The following ELK3 variants were observed in gnomAD, a reference collection of about 807,000 sequenced individuals.
ELK3 encodes the protein ETS domain-containing protein Elk-3.
Under a neutral mutation model 28.9 loss-of-function variants are expected in ELK3, and 10 were observed. That is an observed-to-expected ratio of 0.35 (90% CI 0.21 to 0.59). ELK3 has a LOEUF of 0.59. ELK3 is among the 20% of genes least tolerant of loss of function. The pLI, the probability that ELK3 is intolerant of heterozygous loss-of-function variation, is 0.82. For synonymous variants in ELK3, 272 were observed against 243.5 expected (o/e 1.12, Z -1.09); for missense variants, 463 against 517.3 (o/e 0.90, Z 1.02).
intron 1 of ELK3, among the ~76,000 whole-genome samples, chr12:96,216,200 A>G (rs527436077): frequency 1.6e-4 from 24 of 152,208 alleles, no homozygotes; most frequent in Admixed American, 1.3e-3. Context: ...TTTCTTCGCT[A>G]TCTGACCCAA....
Position 96,267,598 on chromosome 12 carries a change from T to C in ELK3, c.*418T>C. 1 of 153,348 alleles carries C rather than the reference T, an allele frequency of 6.5e-6. No individual in the cohort carries two copies. Among genetic ancestry groups the C allele is most frequent in the Non-Finnish European group, 1.5e-5 (1 of 68,388 alleles). The allele number at this position is 153,348 out of a possible 1,614,324, so 9.5% of individuals were successfully genotyped here. A position where few individuals can be genotyped will look rare whatever the true frequency, so the allele number is the denominator to read the frequency against. On this transcript the variant is annotated 3_prime_UTR_variant, in exon 5 of 5. Coordinates refer to ENST00000228741, the MANE Select transcript of ELK3 (RefSeq NM_005230.4). ...GCATTTAATGTAAATGAATGATTTA[T>C]ATATTTTTTAGTATTAAGAGGAAAT...
chr12:96,266,907 A>C (rs2056616636), intron 4 of ELK3, among the ~76,000 whole-genome samples, 175 bp from the exon 5 acceptor site: 1 of 152,174 alleles, frequency 6.6e-6, no homozygotes, highest in African/African-American at 2.4e-5. Flanking sequence ...GCTCTATGTA[A>C]ATCTTGATCT....
chr12:96,202,315 T>C (rs971724554), intron 1 of ELK3, among the ~76,000 whole-genome samples: 3 of 152,202 alleles, frequency 2.0e-5, no homozygotes, highest in Non-Finnish European at 1.5e-5. Flanking sequence ...TAAGGTGTCC[T>C]CTGCCCTCTG....
intron 2 of ELK3, among the ~76,000 whole-genome samples, chr12:96,235,974 T>C (rs1453273738): frequency 6.6e-6 from 1 of 152,076 alleles, no homozygotes; most frequent in Admixed American, 6.5e-5. Context: ...ACTATAGGTG[T>C]GCCACCATAC....
At chr12:96,201,034 G>T (rs1053941512) in intron 1 of ELK3, among the ~76,000 whole-genome samples, 2 of 151,878 alleles carry the variant, frequency 1.3e-5, no homozygotes, top group Non-Finnish European at 2.9e-5. Flanking sequence ...ATTCTGTTAC[G>T]GCAATTTCAT....
chr12:96,196,257 G>A (rs1291062167), intron 1 of ELK3, among the ~76,000 whole-genome samples: 1 of 152,154 alleles, frequency 6.6e-6, no homozygotes, highest in African/African-American at 2.4e-5. Flanking sequence ...GCCGCCCAAC[G>A]AGCCTTTTCA....
intron 2 of ELK3, among the ~76,000 whole-genome samples, chr12:96,241,650 G>C (rs182243916): frequency 6.6e-6 from 1 of 152,340 alleles, no homozygotes; most frequent in East Asian, 1.9e-4. Context: ...GCTGTCATGG[G>C]ATGCCTTGGT....
At chr12:96,199,492 G>GTGTC (rs1354623558) in intron 1 of ELK3, among the ~76,000 whole-genome samples, 14 of 151,638 alleles carry the variant, frequency 9.2e-5, no homozygotes, top group African/African-American at 3.4e-4. Context: ...GTGTGTGTGT[G>GTGTC]TGTGTGTGTG....
At chr12:96,206,154 G>GT (rs1009386274) in intron 1 of ELK3, among the ~76,000 whole-genome samples, 4 of 151,690 alleles carry the variant, frequency 2.6e-5, no homozygotes, top group South Asian at 2.1e-4. Context: ...TCCTTTGTGT[G>GT]TTTTTTTTAA....
At chr12:96,214,169 G>A (rs1486937169) in intron 1 of ELK3, among the ~76,000 whole-genome samples, 1 of 152,110 alleles carries the variant, frequency 6.6e-6, no homozygotes, top group African/African-American at 2.4e-5. Context: ...GGTGGCTCAC[G>A]CTTATAATCC....
intron 1 of ELK3, among the ~76,000 whole-genome samples, chr12:96,218,503 C>T (rs535050027): frequency 2.0e-5 from 3 of 152,080 alleles, no homozygotes; most frequent in South Asian, 4.2e-4. Flanking sequence ...GCCAGATTAC[C>T]TGTTGGGTGC....
rs151152137 is a variant in ELK3 at position 96,247,541 on chromosome 12, C to T, written c.809C>T (p.Ser270Phe). Residue 270 changes from serine (S) to phenylalanine (F), a missense_variant, in exon 3 of 5, where the codon TCC (serine) becomes TTC (phenylalanine). By Grantham distance (155) the Ser-to-Phe change is radical (BLOSUM62 -2). Around this residue, in one of 2 missense-constraint regions of ELK3, gnomAD observed 408 missense variants for 414.8 expected, o/e 0.98. Coordinates refer to ENST00000228741, the MANE Select transcript of ELK3 (RefSeq NM_005230.4). The surrounding 1 kb of genome is among the most constrained non-coding windows in gnomAD (Gnocchi z 5.5). ...FLEAACHDSD[S>F]LEPLNLSSGS... ...GAGGCCGCCTGCCATGACTCCGATT[C>T]CCTGGAGCCCTTGAACCTGTCATCG... The T allele has an allele frequency of 4.4e-5, 71 of 1,614,162 alleles. 1 individual carries two copies. The African/African-American group carries it at 8.1e-4, about 18-fold the overall frequency.
chr12:96,233,131 G>A (rs964455392), intron 2 of ELK3, among the ~76,000 whole-genome samples: 2 of 152,260 alleles, frequency 1.3e-5, no homozygotes, highest in Non-Finnish European at 2.9e-5. Context: ...TCTGCTGGCC[G>A]AGTTGGCCCT....
intron 1 of ELK3, among the ~76,000 whole-genome samples, chr12:96,199,072 T>G (rs1056124395): frequency 1.3e-5 from 2 of 152,170 alleles, no homozygotes; most frequent in Non-Finnish European, 2.9e-5. Flanking sequence ...TGCTGTGAAA[T>G]TTTGGATTTT....
chr12:96,216,046 G>A (rs1951614986), intron 1 of ELK3, among the ~76,000 whole-genome samples: 1 of 152,170 alleles, frequency 6.6e-6, no homozygotes, highest in African/African-American at 2.4e-5. Context: ...TGTGCCAGAG[G>A]TCAAGCGTTT....
chr12:96,250,644 T>C (rs1441450951), intron 3 of ELK3, among the ~76,000 whole-genome samples: 2 of 152,200 alleles, frequency 1.3e-5, no homozygotes, highest in South Asian at 2.1e-4. Context: ...TTCAGGGTGT[T>C]CCACAGGCAG....
intron 2 of ELK3, among the ~76,000 whole-genome samples, chr12:96,229,636 A>C (rs1203649116): frequency 7.1e-6 from 1 of 141,506 alleles, no homozygotes; most frequent in Non-Finnish European, 1.5e-5. Context: ...GATTCAAGGG[A>C]GTCTCCTGCC....
At chr12:96,232,931 G>A (rs1375160069) in intron 2 of ELK3, among the ~76,000 whole-genome samples, 2 of 152,170 alleles carry the variant, frequency 1.3e-5, no homozygotes, top group Non-Finnish European at 2.9e-5. Flanking sequence ...CTATATGACT[G>A]CACTCCAGCC....
intron 1 of ELK3, among the ~76,000 whole-genome samples, chr12:96,209,761 T>C (rs35079196): frequency 0.028 from 4,245 of 152,320 alleles, 82 homozygotes; most frequent in South Asian, 0.041. Flanking sequence ...AGTGTACTGA[T>C]CAAAAGGATT....
Sources: gnomAD v4.1 joint callset for allele counts (sites outside exome capture counted in the v4.1 genomes callset) on GRCh38, gnomAD v4.1.1 for gene constraint, gnomAD v4.1.1 regional missense constraint, Gnocchi (gnomAD v3.1) non-coding constraint, MANE v1.5 for transcripts, NCBI Gene and HGNC (gene_info 2026-07-23, HGNC 2026-07-21) for gene names.